DCDC2C: variants seen among roughly 807,000 people sequenced by gnomAD.
DCDC2C encodes the protein doublecortin domain-containing protein 2C.
DCDC2C carries 44 observed loss-of-function variants against 45.0 expected under a neutral mutation model. The observed-to-expected ratio is 0.98, with a 90% CI of 0.77 to 1.26. The LOEUF (loss-of-function observed/expected upper bound fraction) is 1.26. Among genes scored for constraint, DCDC2C ranks in the 50% most tolerant of loss-of-function variants. The pLI is 0.00. For synonymous variants in DCDC2C, 187 were observed against 178.8 expected (o/e 1.05, Z -0.37); for missense variants, 447 against 468.9 (o/e 0.95, Z 0.43).
intron 6 of DCDC2C, among the ~76,000 whole-genome samples, chr2:3,764,459 T>C (rs1669964518): frequency 6.6e-6 from 1 of 152,228 alleles, no homozygotes. Flanking sequence ...AGACTCAGAC[T>C]TGGACCACAG....
intron 6 of DCDC2C, among the ~76,000 whole-genome samples, chr2:3,755,519 G>A (rs751840317): frequency 5.9e-5 from 9 of 152,004 alleles, no homozygotes; most frequent in Admixed American, 5.2e-4. Context: ...GAATGCACAT[G>A]CATGTGCGTA....
At chr2:3,784,931 C>G in intron 9 of DCDC2C, 128 bp from the exon 10 acceptor site, 1 of 576,600 alleles carries the variant, frequency 1.7e-6, no homozygotes, top group Non-Finnish European at 2.6e-6. Flanking sequence ...CGCCAAGCTC[C>G]TGAATGATGT....
At chr2:3,822,547 G>T (rs1671717819) in intron 10 of DCDC2C, among the ~76,000 whole-genome samples, 1 of 91,118 alleles carries the variant, frequency 1.1e-5, no homozygotes, top group African/African-American at 5.6e-5. Flanking sequence ...CAATTTTGCT[G>T]ATTTTTTTTT....
At chr2:3,753,671 A>G (rs2148127375) in intron 5 of DCDC2C, among the ~76,000 whole-genome samples, 1 of 152,292 alleles carries the variant, frequency 6.6e-6, no homozygotes, top group East Asian at 1.9e-4. Context: ...GCCTTCCTCT[A>G]TCCTTTAGGT....
At chr2:3,776,662 C>T (rs968096579) in intron 8 of DCDC2C, among the ~76,000 whole-genome samples, 3 of 152,204 alleles carry the variant, frequency 2.0e-5, no homozygotes, top group Non-Finnish European at 4.4e-5. Flanking sequence ...AGGGCATCTT[C>T]TCCTCTCACT....
Position 3,703,871 on chromosome 2 carries a change from G to C in DCDC2C, c.120G>C (p.Ala40=), listed in dbSNP as rs1667946792. The change falls in exon 1 of 11, where the codon GCG becomes GCC. Residue 40 remains alanine, a synonymous_variant. Transcript: ENST00000399143. This position sits in a 1 kb window ranked among gnomAD's most constrained non-coding sequence, Gnocchi z 4.4. Reference sequence around the variant, plus strand: ...AGTTCGTGCTGTCGCGGCGCCGCGCGGCCACCTTCGAGGCGCTGCTGGAGC... The same window carrying C: ...AGTTCGTGCTGTCGCGGCGCCGCGCCGCCACCTTCGAGGCGCTGCTGGAGC... ...GKKFVLSRRR[A]ATFEALLEQL... 7.7e-7 allele frequency: 1 copy of C among 1,294,544 alleles called. No homozygotes were observed. Among genetic ancestry groups the C allele is most frequent in the African/African-American group, 1.5e-5 (1 of 64,916 alleles). 80.2% of individuals were successfully genotyped at this position (1,294,544 alleles called of 1,614,324 possible). A position where few individuals can be genotyped will look rare whatever the true frequency, so the allele number is the denominator to read the frequency against.
chr2:3,835,672 C>A (rs1241573350), intron 10 of DCDC2C, among the ~76,000 whole-genome samples: 3 of 152,172 alleles, frequency 2.0e-5, no homozygotes, highest in Non-Finnish European at 4.4e-5. Context: ...GATTAATACA[C>A]AGTGAAACTG....
chr2:3,791,265 T>A (rs2148190197), intron 10 of DCDC2C, among the ~76,000 whole-genome samples: 1 of 152,324 alleles, frequency 6.6e-6, no homozygotes, highest in South Asian at 2.1e-4. Context: ...CACAAGGTAT[T>A]GCATTGGCAT....
chr2:3,759,234 A>G (rs1669811155), intron 6 of DCDC2C, among the ~76,000 whole-genome samples: 2 of 152,108 alleles, frequency 1.3e-5, no homozygotes, highest in African/African-American at 4.8e-5. Flanking sequence ...TGGATGTAAA[A>G]TCTTGGAGGG....
At chr2:3,773,611 C>T (rs912548512) in intron 8 of DCDC2C, among the ~76,000 whole-genome samples, 3 of 152,210 alleles carry the variant, frequency 2.0e-5, no homozygotes, top group African/African-American at 7.2e-5. Context: ...TACATTTTTA[C>T]AAAAGCAAGG....
chr2:3,778,064 C>T (rs1360964328), intron 8 of DCDC2C, among the ~76,000 whole-genome samples: 9 of 124,528 alleles, frequency 7.2e-5, no homozygotes, highest in Non-Finnish European at 3.6e-5. Flanking sequence ...GGACGGGACA[C>T]CCCCTGGCCA....
chr2:3,716,158 A>G (rs1221321244), intron 2 of DCDC2C, among the ~76,000 whole-genome samples: 1 of 152,176 alleles, frequency 6.6e-6, no homozygotes, highest in Non-Finnish European at 1.5e-5. Context: ...GTGGGGATTT[A>G]GATCATTGTG....
intron 10 of DCDC2C, among the ~76,000 whole-genome samples, chr2:3,827,353 C>T (rs945280511): frequency 6.6e-6 from 1 of 152,036 alleles, no homozygotes; most frequent in Non-Finnish European, 1.5e-5. Flanking sequence ...TTGGAAGCAG[C>T]AGCCTGGGAC....
intron 10 of DCDC2C, among the ~76,000 whole-genome samples, chr2:3,798,093 C>A (rs1671011011): frequency 6.6e-6 from 1 of 151,970 alleles, no homozygotes; most frequent in Non-Finnish European, 1.5e-5. Flanking sequence ...GTTAGCTCTT[C>A]TTGTTGAATT....
At chr2:3,830,597 G>A (rs1436679259) in intron 10 of DCDC2C, among the ~76,000 whole-genome samples, 1 of 152,206 alleles carries the variant, frequency 6.6e-6, no homozygotes, top group Non-Finnish European at 1.5e-5. Flanking sequence ...GTCTTCTTGA[G>A]CCTGATGGGC....
At chr2:3,800,361 A>G (rs1316234953) in intron 10 of DCDC2C, among the ~76,000 whole-genome samples, 1 of 152,150 alleles carries the variant, frequency 6.6e-6, no homozygotes, top group East Asian at 1.9e-4. Flanking sequence ...TGTAGACCAG[A>G]GCTGTTCCTA....
chr2:3,716,228 C>T (rs1668346832), intron 2 of DCDC2C, among the ~76,000 whole-genome samples: 1 of 152,046 alleles, frequency 6.6e-6, no homozygotes, highest in African/African-American at 2.4e-5. Flanking sequence ...AAAGGGAGTT[C>T]CGATGACAGG....
chr2:3,745,730 CT>C (rs143529157), intron 4 of DCDC2C, among the ~76,000 whole-genome samples: 2,283 of 152,160 alleles, frequency 0.015, 60 homozygotes, highest in African/African-American at 0.051. Context: ...GAAGACAGTT[CT>C]TTTTTTAGGA....
intron 8 of DCDC2C, among the ~76,000 whole-genome samples, chr2:3,769,745 T>A (rs1034989214): frequency 3.9e-5 from 6 of 152,220 alleles, no homozygotes; most frequent in Non-Finnish European, 8.8e-5. Flanking sequence ...CGCTCACTGT[T>A]GGGCCCTGTA....
Sources: allele counts gnomAD v4.1 joint callset (sites outside exome capture counted in the v4.1 genomes callset), GRCh38; gene constraint gnomAD v4.1.1; non-coding constraint Gnocchi (gnomAD v3.1); transcripts MANE v1.5; gene names NCBI Gene and HGNC (gene_info 2026-07-23, HGNC 2026-07-21).